Variants in SNAP91 observed in about 807,000 individuals in gnomAD.
SNAP91 encodes the protein clathrin coat assembly protein AP180.
In SNAP91, 27 loss-of-function variants were observed where a neutral mutation model predicts 100.3. The observed-to-expected ratio is 0.27, with a 90% CI of 0.20 to 0.37. The LOEUF (loss-of-function observed/expected upper bound fraction) is 0.37. SNAP91 is among the 10% of genes least tolerant of loss of function. The pLI is 1.00. For missense variants in SNAP91, 986 were observed against 1,123.7 expected (o/e 0.88, Z 1.75); for synonymous variants, 404 against 398.6 (o/e 1.01, Z -0.16).
chr6:83,630,456 C>G (rs1050336688), intron 8 of SNAP91, among the ~76,000 whole-genome samples: 2 of 152,040 alleles, frequency 1.3e-5, no homozygotes, highest in African/African-American at 4.8e-5. Context: ...TGGTAGAATT[C>G]TGCTGTGAAT....
intron 2 of SNAP91, among the ~76,000 whole-genome samples, chr6:83,702,692 A>T (rs1289455394): frequency 1.3e-5 from 2 of 151,568 alleles, no homozygotes; most frequent in Admixed American, 1.3e-4. Context: ...TCTGCTAACC[A>T]CACCAACTGC....
chr6:83,607,146 G>GGGATTGAT (rs1562314839), intron 13 of SNAP91, among the ~76,000 whole-genome samples: 1 of 152,088 alleles, frequency 6.6e-6, no homozygotes, highest in Non-Finnish European at 1.5e-5. Flanking sequence ...CTATGAGCTG[G>GGGATTGAT]GGATTGATTT....
chr6:83,626,414 T>C (rs1562403070), intron 8 of SNAP91, among the ~76,000 whole-genome samples: 1 of 152,134 alleles, frequency 6.6e-6, no homozygotes, highest in Non-Finnish European at 1.5e-5. Context: ...GATAATTTGA[T>C]AGACATAGCA....
chr6:83,605,617 T>G, intron 14 of SNAP91, 68 bp downstream of exon 14: 1 of 1,540,388 alleles, frequency 6.5e-7, no homozygotes, highest in South Asian at 1.2e-5. Context: ...TGTTAACAAT[T>G]ATAGCCTAAG....
intron 21 of SNAP91, among the ~76,000 whole-genome samples, chr6:83,592,117 T>C (rs2093841406): frequency 6.6e-6 from 1 of 152,240 alleles, no homozygotes; most frequent in South Asian, 2.1e-4. Context: ...AACTTAGAGA[T>C]GTTGATTTAG....
chr6:83,554,342 C>T (rs1204749290), intron 29 of SNAP91, 57 bp from the exon 30 acceptor site: 1 of 214,162 alleles, frequency 4.7e-6, no homozygotes, highest in African/African-American at 2.4e-5. Flanking sequence ...AGTCCTCAAA[C>T]ATTTTACCTC....
At chr6:83,577,877 C>T (rs912353864) in intron 24 of SNAP91, among the ~76,000 whole-genome samples, 11 of 152,150 alleles carry the variant, frequency 7.2e-5, no homozygotes, top group African/African-American at 2.7e-4. Context: ...TCCTCTTCCT[C>T]TCCACTTCCC....
chr6:83,566,943 C>T (rs1465981432), intron 26 of SNAP91, among the ~76,000 whole-genome samples: 4 of 152,084 alleles, frequency 2.6e-5, no homozygotes, highest in Non-Finnish European at 4.4e-5. Flanking sequence ...CTTCTGTTTC[C>T]GAGAGGTACC....
chr6:83,644,004 T>A (rs1585296217), intron 7 of SNAP91, among the ~76,000 whole-genome samples: 1 of 152,180 alleles, frequency 6.6e-6, no homozygotes, highest in Non-Finnish European at 1.5e-5. Flanking sequence ...AAAATAAGGA[T>A]TTATTCTGGC....
At chr6:83,590,590 T>C (rs1206324207) in intron 22 of SNAP91, among the ~76,000 whole-genome samples, 1 of 152,008 alleles carries the variant, frequency 6.6e-6, no homozygotes. Context: ...GTCTATGTAA[T>C]AGCAGTTTTG....
In SNAP91 at chr6:83,601,345, A is replaced by G; in HGVS notation, c.1250T>C (p.Ile417Thr). The change falls in exon 16 of 30, where the codon ATT (isoleucine) becomes ACT (threonine). Residue 417 changes from isoleucine to threonine, a missense_variant. Transcript: ENST00000369694. ...GGAGGCAGAAGCTGAGGCAGTTGCAATTTCAGCAGTTGTAGTAGGAGGGGT... is the reference window on the plus strand; with the variant it reads ...GGAGGCAGAAGCTGAGGCAGTTGCAGTTTCAGCAGTTGTAGTAGGAGGGGT... ...EPTPPTTTAEIATASASASTT... is the reference protein window; with the variant it reads ...EPTPPTTTAETATASASASTT... The G allele has an allele frequency of 6.2e-7, 1 of 1,613,692 alleles. No individual in the cohort carries two copies.
intron 26 of SNAP91, among the ~76,000 whole-genome samples, chr6:83,574,166 T>C (rs1813809333): frequency 6.6e-6 from 1 of 152,150 alleles, no homozygotes; most frequent in African/African-American, 2.4e-5. Context: ...ATGGGTTTGA[T>C]TTAGATAGGT....
chr6:83,666,444 A>G (rs1383005381), intron 2 of SNAP91, among the ~76,000 whole-genome samples: 1 of 152,094 alleles, frequency 6.6e-6, no homozygotes, highest in African/African-American at 2.4e-5. Flanking sequence ...GACTTCTGTT[A>G]CAGTCCACAC....
chr6:83,564,369 G>C (rs1793553845), intron 26 of SNAP91, among the ~76,000 whole-genome samples: 1 of 140,804 alleles, frequency 7.1e-6, no homozygotes, highest in South Asian at 2.3e-4. Flanking sequence ...ACAGGATCTT[G>C]CTCTGTCACT....
chr6:83,705,671 G>A (rs369857730), intron 2 of SNAP91, among the ~76,000 whole-genome samples: 123 of 152,122 alleles, frequency 8.1e-4, no homozygotes, highest in African/African-American at 2.4e-3. Context: ...TGAGCCAGGC[G>A]TGGTGGTGCA....
At chr6:83,614,799 GT>G in intron 11 of SNAP91, 57 bp downstream of exon 11, 3 of 1,326,078 alleles carry the variant, frequency 2.3e-6, no homozygotes, top group African/African-American at 1.5e-5. Context: ...TCTTAAGAGT[GT>G]TTTTTGCATT....
At position 83,665,515 on chromosome 6, in the gene SNAP91, C is replaced by T. The variant is rs771980783; in HGVS notation, c.197G>A (p.Arg66Gln). ...IPQMADTLFE[R>Q]ATNSSWVVVF... ...AACCACCCAGCTACTGTTTGTTGCC[C>T]GCTCAAAGAGAGTGTCGGCCATCTG... Residue 66 changes from arginine to glutamine, a missense_variant, in exon 3 of 30, where the codon CGG becomes CAG. Arg to Gln is a conservative substitution (Grantham distance 43). Transcript: ENST00000369694. The T allele has an allele frequency of 1.2e-6, 2 of 1,612,640 alleles. No homozygotes were observed. The highest frequency in any genetic ancestry group is 1.7e-6 in the Non-Finnish European group (2 of 1,179,210).
intron 24 of SNAP91, among the ~76,000 whole-genome samples, chr6:83,579,940 T>C (rs1327393764): frequency 6.6e-6 from 1 of 152,190 alleles, no homozygotes; most frequent in African/African-American, 2.4e-5. Flanking sequence ...ATTTTAAAGT[T>C]TGTGTCTGCC....
intron 16 of SNAP91, among the ~76,000 whole-genome samples, chr6:83,597,802 C>T (rs1021770456): frequency 1.4e-4 from 22 of 152,230 alleles, no homozygotes; most frequent in African/African-American, 5.3e-4. Flanking sequence ...GCCCAAATGT[C>T]ACATTCTGGT....
Sources: allele counts gnomAD v4.1 joint callset (sites outside exome capture counted in the v4.1 genomes callset), GRCh38; gene constraint gnomAD v4.1.1; transcripts MANE v1.5; gene names NCBI Gene and HGNC (gene_info 2026-07-23, HGNC 2026-07-21).